CYP20A1: variants seen among roughly 807,000 people sequenced by gnomAD.
CYP20A1 encodes the protein cytochrome P450 family 20 subfamily A member 1, also known as cytochrome P450 20A1.
In CYP20A1, 61 loss-of-function variants were observed where a neutral mutation model predicts 61.4. The observed-to-expected ratio is 0.99, with a 90% CI of 0.81 to 1.23. CYP20A1 has a LOEUF of 1.23. Ranked by LOEUF, CYP20A1 falls within the 50% of genes most tolerant of loss-of-function variation. The pLI is 0.00. For missense variants in CYP20A1, 530 were observed against 542.4 expected (o/e 0.98, Z 0.23); for synonymous variants, 193 against 188.2 (o/e 1.03, Z -0.21).
Position 203,296,505 on chromosome 2 carries a change from G to T in CYP20A1, c.1180G>T (p.Val394Leu). ...FDPDRFDDEL[V>L]MKTFSSLGFS... Reference sequence around the variant, plus strand: ...TCCAGATCGGTTTGATGATGAATTAGTAATGAAAACTTTTTCCTCACTTGG... The same window carrying T: ...TCCAGATCGGTTTGATGATGAATTATTAATGAAAACTTTTTCCTCACTTGG... Residue 394 changes from valine (V) to leucine (L), a missense_variant, in exon 12 of 13, where the codon GTA (valine) becomes TTA (leucine). By Grantham distance (32) the Val-to-Leu change is conservative. Transcript: ENST00000356079. 1.2e-6 allele frequency: 2 copies of T among 1,612,548 alleles called. No homozygotes were observed. The highest frequency in any genetic ancestry group is 1.7e-6 in the Non-Finnish European group (2 of 1,179,240).
chr2:203,267,702 G>A (rs540256854), intron 5 of CYP20A1, among the ~76,000 whole-genome samples: 1 of 152,080 alleles, frequency 6.6e-6, no homozygotes, highest in South Asian at 2.1e-4. Flanking sequence ...AAATTTGCTG[G>A]GCGTGGTGGC....
chr2:203,270,311 T>G (rs894704298), intron 5 of CYP20A1, among the ~76,000 whole-genome samples: 4 of 151,210 alleles, frequency 2.6e-5, no homozygotes, highest in Non-Finnish European at 4.4e-5. Flanking sequence ...AACACTTGGG[T>G]TTTTTTTTAT....
At chr2:203,295,672 G>T (rs1235280029) in intron 11 of CYP20A1, among the ~76,000 whole-genome samples, 1 of 152,172 alleles carries the variant, frequency 6.6e-6, no homozygotes, top group African/African-American at 2.4e-5. Context: ...AGTAGGCCGG[G>T]TGCCGTGGCT....
intron 4 of CYP20A1, among the ~76,000 whole-genome samples, chr2:203,258,134 C>G (rs2066993568): frequency 6.6e-6 from 1 of 152,196 alleles, no homozygotes; most frequent in Admixed American, 6.5e-5. Flanking sequence ...AAATCCTGGT[C>G]TCAAGTGATC....
intron 1 of CYP20A1, among the ~76,000 whole-genome samples, chr2:203,244,673 T>A (rs1305544458): frequency 1.3e-5 from 2 of 151,912 alleles, no homozygotes; most frequent in African/African-American, 2.4e-5. Flanking sequence ...GTATATTAAA[T>A]TTTTCAAACA....
intron 4 of CYP20A1, among the ~76,000 whole-genome samples, chr2:203,261,479 T>C (rs2067134654): frequency 6.8e-6 from 1 of 146,890 alleles, no homozygotes; most frequent in Non-Finnish European, 1.5e-5. Flanking sequence ...GGCAGGAGGA[T>C]GGGAGGATCC....
At chr2:203,284,162 A>G (rs1365138883) in intron 8 of CYP20A1, among the ~76,000 whole-genome samples, 1 of 152,214 alleles carries the variant, frequency 6.6e-6, no homozygotes, top group East Asian at 1.9e-4. Context: ...TTTAATGGTA[A>G]CAATATTGGT....
Position 203,271,082 on chromosome 2 carries a change from A to ATTTTTTTTTTTT in CYP20A1, c.601-1576_601-1565dup, listed in dbSNP as rs1161241853. Among the ~76,000 whole-genome samples the ATTTTTTTTTTTT allele has an allele frequency of 1.3e-3, 40 of 31,642 alleles. 4 individuals are homozygous for ATTTTTTTTTTTT. Among genetic ancestry groups the ATTTTTTTTTTTT allele is most frequent in the East Asian group, 4.4e-3 (5 of 1,142 alleles). The allele number at this position is 31,642 out of a possible 152,430, so 20.8% of individuals were successfully genotyped here. ...TATATATATATATATATATATATAT[A>ATTTTTTTTTTTT]TTTTTTTTTTTTTTTTTTTTTTTGA... On this transcript the variant is annotated intron_variant, in intron 5 of 12. Coordinates refer to ENST00000356079, the MANE Select transcript of CYP20A1 (RefSeq NM_177538.3).
chr2:203,260,261 C>T (rs547006112), intron 4 of CYP20A1, among the ~76,000 whole-genome samples: 19 of 151,932 alleles, frequency 1.3e-4, no homozygotes, highest in African/African-American at 3.4e-4. Context: ...GTCACTCTGT[C>T]GTCCAGGCCG....
chr2:203,271,081 TA>T (rs377445486), intron 5 of CYP20A1, among the ~76,000 whole-genome samples: 70 of 57,566 alleles, frequency 1.2e-3, no homozygotes, highest in African/African-American at 3.5e-3. Flanking sequence ...TATATATATA[TA>T]TTTTTTTTTT....
At chr2:203,275,444 T>A (rs987510960) in intron 6 of CYP20A1, among the ~76,000 whole-genome samples, 5 of 150,574 alleles carry the variant, frequency 3.3e-5, no homozygotes, top group Non-Finnish European at 7.4e-5. Flanking sequence ...TTTTTTTTTG[T>A]TTTTTTTTGA....
intron 5 of CYP20A1, among the ~76,000 whole-genome samples, chr2:203,269,004 G>GA (rs1053073046): frequency 6.6e-5 from 10 of 152,098 alleles, no homozygotes; most frequent in Non-Finnish European, 1.2e-4. Flanking sequence ...GTTAAAATGT[G>GA]AAAAAACATA....
Position 203,303,511 on chromosome 2 carries a change from C to T in CYP20A1, c.*6603C>T, listed in dbSNP as rs1056943469. On this transcript the variant is annotated 3_prime_UTR_variant, in exon 13 of 13. Coordinates refer to ENST00000356079, the MANE Select transcript of CYP20A1 (RefSeq NM_177538.3). ...AGGAGTTTGAGATCAGCCTGGCCAA[C>T]GTGGTGAAACTCCATCTCTACTAAA... is the stretch of plus-strand genomic sequence containing the variant. 1.3e-5 allele frequency among the ~76,000 whole-genome samples: 2 copies of T among 151,882 alleles called. No individual in the cohort carries two copies. Among genetic ancestry groups the T allele is most frequent in the East Asian group, 2.0e-4 (1 of 5,076 alleles).
intron 1 of CYP20A1, among the ~76,000 whole-genome samples, chr2:203,243,001 T>A (rs757671824): frequency 3.3e-5 from 5 of 152,152 alleles, no homozygotes; most frequent in Non-Finnish European, 7.3e-5. Flanking sequence ...AACACAGCCA[T>A]ACTGACTAGT....
At chr2:203,292,651 G>T (rs963693848) in intron 11 of CYP20A1, among the ~76,000 whole-genome samples, 1 of 152,022 alleles carries the variant, frequency 6.6e-6, no homozygotes, top group Non-Finnish European at 1.5e-5. Flanking sequence ...TACAGATGGG[G>T]TTTCACCATG....
intron 4 of CYP20A1, among the ~76,000 whole-genome samples, chr2:203,260,410 C>T (rs763079433): frequency 4.2e-4 from 63 of 151,384 alleles, no homozygotes; most frequent in Admixed American, 7.2e-4. Context: ...TTAGTAGAGA[C>T]GGAGTTTCAC....
intron 11 of CYP20A1, among the ~76,000 whole-genome samples, 157 bp downstream of exon 11, chr2:203,292,483 G>A (rs191137420): frequency 4.2e-4 from 64 of 152,286 alleles, no homozygotes; most frequent in Admixed American, 1.2e-3. Flanking sequence ...TTTTGAGACA[G>A]GGTCTCACTC....
Position 203,266,648 on chromosome 2 carries a change from G to C in CYP20A1, c.567G>C (p.Gln189His), listed in dbSNP as rs759863196. ...MVMGSTFEDD[Q>H]EVIRFQKNHG... ...TGGGTAGTACATTTGAAGATGATCA[G>C]GAAGTCATTCGCTTCCAGAAGAATC... The change falls in exon 5 of 13, where the codon CAG (glutamine) becomes CAC (histidine). Residue 189 changes from glutamine (Q) to histidine (H), a missense_variant. Transcript: ENST00000356079. The C allele has an allele frequency of 1.5e-5, 24 of 1,613,886 alleles. No individual in the cohort carries two copies. In the East Asian group the frequency reaches 5.3e-4, roughly 36 times the overall value.
Position 203,301,862 on chromosome 2 carries a change from A to C in CYP20A1, c.*4954A>C, listed in dbSNP as rs1027367478. ...ATCTAGGAAAACACAAAAATGTCAA[A>C]CTCAGTTAACAGTCATAGTTTCACT... On this transcript the variant is annotated 3_prime_UTR_variant, in exon 13 of 13. Coordinates refer to ENST00000356079, the MANE Select transcript of CYP20A1 (RefSeq NM_177538.3). 1.3e-5 allele frequency among the ~76,000 whole-genome samples: 2 copies of C among 151,430 alleles called. No individual in the cohort carries two copies. The highest frequency in any genetic ancestry group is 4.2e-4 in the South Asian group (2 of 4,796).
Sources: allele counts gnomAD v4.1 joint callset (sites outside exome capture counted in the v4.1 genomes callset), GRCh38; gene constraint gnomAD v4.1.1; transcripts MANE v1.5; gene names NCBI Gene and HGNC (gene_info 2026-07-23, HGNC 2026-07-21).